The following DGKB variants were observed in gnomAD, a reference collection of about 807,000 sequenced individuals.
DGKB encodes the protein diacylglycerol kinase beta, also known as 90 kDa diacylglycerol kinase.
A neutral mutation model predicts 114.3 loss-of-function variants in DGKB; 67 were observed. The ratio of observed to expected loss-of-function variants is 0.59; its 90% confidence interval spans 0.48 to 0.72. The LOEUF (loss-of-function observed/expected upper bound fraction) is 0.72. Ranked by LOEUF, DGKB falls within the 30% of genes least tolerant of loss-of-function variation. The pLI, the probability that DGKB is intolerant of heterozygous loss-of-function variation, is 0.00. For missense variants in DGKB, 907 were observed against 975.2 expected, an observed-to-expected ratio of 0.93 and a Z score of 0.93; for synonymous variants, 398 against 323.1, an observed-to-expected ratio of 1.23 and a Z score of -2.49.
intron 20 of DGKB, among the ~76,000 whole-genome samples, chr7:14,559,608 T>C (rs142644097): frequency 6.6e-6 from 1 of 152,230 alleles, no homozygotes; most frequent in African/African-American, 2.4e-5. Flanking sequence ...AAAACTCAAC[T>C]ACTATTGTCA....
chr7:14,251,993 T>C (rs906073548), intron 23 of DGKB, among the ~76,000 whole-genome samples: 2 of 152,236 alleles, frequency 1.3e-5, no homozygotes, highest in African/African-American at 4.8e-5. Flanking sequence ...ATGTTTAATC[T>C]ATTTGGATTA....
chr7:14,729,861 G>A (rs1586046585), intron 5 of DGKB, among the ~76,000 whole-genome samples: 1 of 152,108 alleles, frequency 6.6e-6, no homozygotes, highest in African/African-American at 2.4e-5. Context: ...CATATAATGA[G>A]TTTAAATAAA....
At chr7:14,584,742 T>C (rs1053539459) in intron 17 of DGKB, among the ~76,000 whole-genome samples, 3 of 151,948 alleles carry the variant, frequency 2.0e-5, no homozygotes, top group African/African-American at 7.3e-5. Flanking sequence ...CACTGCAACC[T>C]CCTCCTCCTG....
intron 7 of DGKB, among the ~76,000 whole-genome samples, chr7:14,700,128 G>T (rs1190023259): frequency 1.3e-5 from 2 of 151,806 alleles, no homozygotes; most frequent in Non-Finnish European, 2.9e-5. Context: ...ACCATAAAAT[G>T]AGCAAATTTA....
At chr7:14,725,791 C>T (rs1372641261) in intron 5 of DGKB, among the ~76,000 whole-genome samples, 2 of 151,986 alleles carry the variant, frequency 1.3e-5, no homozygotes, top group African/African-American at 4.8e-5. Flanking sequence ...CAAGTGATCT[C>T]TGTACCTCAG....
At chr7:14,196,171 T>G (rs912292555) in intron 23 of DGKB, among the ~76,000 whole-genome samples, 4 of 152,232 alleles carry the variant, frequency 2.6e-5, no homozygotes, top group African/African-American at 9.6e-5. Context: ...GTTTTGCTGT[T>G]AATGCAGGAC....
intron 23 of DGKB, among the ~76,000 whole-genome samples, chr7:14,315,182 C>T (rs2128516716): frequency 7.0e-6 from 1 of 141,876 alleles, no homozygotes; most frequent in Middle Eastern, 3.7e-3. Context: ...AAAATCATGC[C>T]AAAATGTAAA....
At chr7:14,937,343 T>C (rs1785326450) in intron 1 of DGKB, among the ~76,000 whole-genome samples, 1 of 152,076 alleles carries the variant, frequency 6.6e-6, no homozygotes, top group Non-Finnish European at 1.5e-5. Flanking sequence ...CAATCATGTA[T>C]ATCTATATTT....
At position 14,654,374 on chromosome 7, in the gene DGKB, T is replaced by A. The variant is rs149268889; in HGVS notation, c.1134+18555A>T. On this transcript the variant is annotated intron_variant, in intron 13 of 25. Coordinates refer to ENST00000402815, the MANE Select transcript of DGKB (RefSeq NM_001350709.2). ...TACAATTAAAACTGCAAAACACTGA[T>A]GAAAAAAATTGAAGAGGGCATAAAA... is the stretch of plus-strand genomic sequence containing the variant. Among the ~76,000 whole-genome samples the A allele has an allele frequency of 9.5e-3, 1,447 of 151,920 alleles. 27 individuals are homozygous for A. Among genetic ancestry groups the A allele is most frequent in the African/African-American group, 0.033 (1,370 of 41,470 alleles).
chr7:14,902,801 C>G (rs1335848115), upstream of DGKB: 6 of 152,300 alleles, frequency 3.9e-5, no homozygotes, highest in African/African-American at 1.4e-4. Context: ...CTGCCACCCC[C>G]TTCCAGAACA....
chr7:14,235,925 TATG>T (rs1437689364), intron 23 of DGKB, among the ~76,000 whole-genome samples: 2 of 151,996 alleles, frequency 1.3e-5, no homozygotes, highest in Non-Finnish European at 2.9e-5. Context: ...TGTGCACATA[TATG>T]GACGCACACA....
intron 20 of DGKB, among the ~76,000 whole-genome samples, chr7:14,501,563 G>C (rs1159850128): frequency 1.3e-5 from 2 of 151,848 alleles, no homozygotes; most frequent in African/African-American, 4.8e-5. Context: ...CTGGAAAAGA[G>C]GTAATGACTC....
intron 21 of DGKB, among the ~76,000 whole-genome samples, chr7:14,477,623 T>C (rs1338074823): frequency 6.6e-6 from 1 of 152,214 alleles, no homozygotes; most frequent in Admixed American, 6.5e-5. Context: ...AATGTTTGCC[T>C]ATTGCTCTTA....
chr7:14,679,925 T>C (rs895134941), intron 12 of DGKB, among the ~76,000 whole-genome samples: 1 of 151,994 alleles, frequency 6.6e-6, no homozygotes, highest in Non-Finnish European at 1.5e-5. Context: ...TTGCTTAAAA[T>C]TAAAAATCCG....
intron 23 of DGKB, among the ~76,000 whole-genome samples, chr7:14,238,377 G>A (rs1452437746): frequency 6.6e-6 from 1 of 151,812 alleles, no homozygotes; most frequent in Non-Finnish European, 1.5e-5. Flanking sequence ...CTAACTATAA[G>A]TTTCCTGAGG....
At chr7:14,963,220 C>G (rs1786962396) in intron 1 of DGKB, among the ~76,000 whole-genome samples, 1 of 152,016 alleles carries the variant, frequency 6.6e-6, no homozygotes, top group East Asian at 1.9e-4. Flanking sequence ...AGGGGGGTTA[C>G]TAAAAGGAGA....
chr7:14,520,210 A>ATTTTTTTTTTTTTTTTTTTTTTTT (rs386409562), intron 20 of DGKB, among the ~76,000 whole-genome samples: 1 of 119,140 alleles, frequency 8.4e-6, no homozygotes, highest in East Asian at 2.5e-4. Context: ...CTTTTTTCCT[A>ATTTTTTTTTTTTTTTTTTTTTTTT]TTTTTTTTTT....
intron 12 of DGKB, among the ~76,000 whole-genome samples, chr7:14,681,965 A>G (rs1820910760): frequency 6.6e-6 from 1 of 152,130 alleles, no homozygotes; most frequent in Non-Finnish European, 1.5e-5. Flanking sequence ...GAAGAAGCGT[A>G]AGATGAATTT....
rs188609005 is a variant in DGKB at position 14,956,256 on chromosome 7, C to T, written c.-188+18440G>A. Among the ~76,000 whole-genome samples, 10 of 151,924 alleles carry T rather than the reference C, an allele frequency of 6.6e-5. No individual in the cohort carries two copies. The East Asian group carries it at 7.8e-4, about 12-fold the overall frequency. ...CATTTTGATAATTTCAAATGCAGTG[C>T]ATTTGAATAGTAGAATCCTCCCCAA... On this transcript the variant is annotated intron_variant, in intron 1 of 4. Coordinates refer to the DGKB transcript ENST00000437998.
Sources: gnomAD v4.1 joint callset for allele counts (sites outside exome capture counted in the v4.1 genomes callset) on GRCh38, gnomAD v4.1.1 for gene constraint, MANE v1.5 for transcripts, NCBI Gene and HGNC (gene_info 2026-07-23, HGNC 2026-07-21) for gene names.